Variants in NAALADL1 observed in about 807,000 individuals in gnomAD.
NAALADL1 encodes N-acetylated alpha-linked acidic dipeptidase like 1.
NAALADL1 carries 77 observed loss-of-function variants against 82.8 expected under a neutral mutation model. The observed-to-expected ratio is 0.93, with a 90% CI of 0.77 to 1.12. NAALADL1 has a LOEUF of 1.12. NAALADL1 is among the 50% of genes most tolerant of loss of function. The pLI is 0.00. For synonymous variants in NAALADL1, 358 were observed against 399.2 expected, an observed-to-expected ratio of 0.90 and a Z score of 1.23; for missense variants, 956 against 964.0, an observed-to-expected ratio of 0.99 and a Z score of 0.11.
upstream of NAALADL1, among the ~76,000 whole-genome samples, chr11:65,060,762 C>T (rs1039042468): frequency 3.3e-5 from 5 of 152,174 alleles, no homozygotes; most frequent in Non-Finnish European, 7.3e-5. Context: ...TTCATCTTTG[C>T]TGTGTGGGTG....
In NAALADL1 at chr11:65,045,419, G is replaced by A. The variant is rs370097990; in HGVS notation, c.2075C>T (p.Thr692Ile). 3.5e-5 allele frequency: 57 copies of A among 1,612,774 alleles called. No homozygotes were observed. Among genetic ancestry groups the A allele is most frequent in the Non-Finnish European group, 3.4e-5 (40 of 1,179,662 alleles). The change falls in exon 18 of 18, where the codon ACA becomes ATA. Residue 692 changes from threonine (T) to isoleucine (I), a missense_variant. By Grantham distance (89) the Thr-to-Ile change is moderately conservative. Transcript: ENST00000358658. ...LWAPRTGSVV[T>I]FPGLSNACSR... ...GCAGGCATTGGATAGGCCCGGGAAT[G>A]TGACTACGGAGCCCGTGCGAGGTGC...
chr11:65,060,768 G>A (rs1947175373), upstream of NAALADL1, among the ~76,000 whole-genome samples: 1 of 152,166 alleles, frequency 6.6e-6, no homozygotes, highest in Non-Finnish European at 1.5e-5. Context: ...TTTGCTGTGT[G>A]GGTGGTATGG....
At position 65,054,642 on chromosome 11, in the gene NAALADL1, G is replaced by A; in HGVS notation, c.700C>T (p.Pro234Ser). Reference sequence around the variant, plus strand: ...GAGGGGGGCAGGTACCAGGAGTTGGGAAAGGTTTCGTCGGGTGAGCTCAGC... The same window carrying A: ...GAGGGGGGCAGGTACCAGGAGTTGGAAAAGGTTTCGTCGGGTGAGCTCAGC... ...DGLSSPDETF[P>S]NSWYLPPSGV... The change falls in exon 5 of 18, where the codon CCC becomes TCC. Residue 234 changes from proline (P) to serine (S), a missense_variant. Transcript: ENST00000358658. This position sits in a 1 kb window ranked among gnomAD's most constrained non-coding sequence, Gnocchi z 4.3. 6.2e-7 allele frequency: 1 copy of A among 1,614,144 alleles called. No individual in the cohort carries two copies. The highest frequency in any genetic ancestry group is 8.5e-7 in the Non-Finnish European group (1 of 1,180,024).
In NAALADL1 at chr11:65,053,440, A is replaced by T. The variant is rs1182580388; in HGVS notation, c.1078+51T>A. 2.5e-6 allele frequency: 4 copies of T among 1,612,874 alleles called. No individual in the cohort carries two copies. The highest frequency in any genetic ancestry group is 3.4e-6 in the Non-Finnish European group (4 of 1,179,216). On this transcript the variant is annotated intron_variant, in intron 7 of 17. Transcript: ENST00000358658. This position sits in a 1 kb window ranked among gnomAD's most constrained non-coding sequence, Gnocchi z 4.3. ...GGCAGGGCTGGATGAGGACAGCGGC[A>T]TCCAGAGCAGAGCAGGGGCCTGGGG...
chr11:65,059,181 T>C (rs1272548584), upstream of NAALADL1, among the ~76,000 whole-genome samples: 1 of 151,966 alleles, frequency 6.6e-6, no homozygotes, highest in African/African-American at 2.4e-5. Flanking sequence ...TCCAGCTAAT[T>C]TTTGTATTTT....
chr11:65,048,680 C>G (rs1289551782), intron 8 of NAALADL1, among the ~76,000 whole-genome samples: 2 of 152,180 alleles, frequency 1.3e-5, no homozygotes, highest in African/African-American at 2.4e-5. Context: ...ACCCCCGCCT[C>G]CAGGCCAAAC....
upstream of NAALADL1, among the ~76,000 whole-genome samples, chr11:65,060,992 T>G (rs1947180579): frequency 6.6e-6 from 1 of 151,914 alleles, no homozygotes; most frequent in South Asian, 2.1e-4. Flanking sequence ...CTCCTTCACC[T>G]CCCACGTGTA....
Position 65,047,681 on chromosome 11 carries a change from T to TG in NAALADL1, c.1473dup (p.Asn492GlnfsTer41). ...AGGCCGTACACCGGGCTGCTGCGGT[T>TG]GAAGTACCGGATCCAGTTGTCGTAG... On this transcript the variant is annotated frameshift_variant, in exon 12 of 18. Transcript: ENST00000358658. LOFTEE classifies it high-confidence loss of function. The TG allele has an allele frequency of 6.2e-7, 1 of 1,608,168 alleles. No individual in the cohort carries two copies. The highest frequency in any genetic ancestry group is 8.5e-7 in the Non-Finnish European group (1 of 1,178,084).
At chr11:65,057,797 C>T (rs1947083246) in intron 3 of NAALADL1, 78 bp downstream of exon 3, 5 of 1,589,740 alleles carry the variant, frequency 3.1e-6, no homozygotes, top group Non-Finnish European at 4.3e-6. Context: ...GAGGCACGTT[C>T]CCTGGGTCAG....
chr11:65,053,312 G>T lies in NAALADL1; in HGVS notation c.1104C>A (p.His368Gln), dbSNP rs1404924513. Residue 368 changes from histidine to glutamine, a missense_variant, in exon 8 of 18, where the codon CAC becomes CAA. By Grantham distance (24) the His-to-Gln change is conservative. Transcript: ENST00000358658. The surrounding 1 kb of genome is among the most constrained non-coding windows in gnomAD (Gnocchi z 4.3). ...CAGCCCCGTGCACCCAGCTGTCTCG[G>T]TGGTTCCCATACAGCACGTAGCGAT... ...EPDRYVLYGN[H>Q]RDSWVHGAVD... 2 of 1,566,244 alleles carry T rather than the reference G, an allele frequency of 1.3e-6. No homozygotes were observed. Among genetic ancestry groups the T allele is most frequent in the Admixed American group, 3.8e-5 (2 of 51,982 alleles).
chr11:65,045,731 A>G, intron 17 of NAALADL1, 91 bp downstream of exon 17: 1 of 1,288,438 alleles, frequency 7.8e-7, no homozygotes, highest in Non-Finnish European at 1.1e-6. Flanking sequence ...TGCACTCTAA[A>G]GGGCAGAGAA....
chr11:65,045,954 G>C, intron 16 of NAALADL1, 40 bp from the exon 17 acceptor site: 3 of 1,612,250 alleles, frequency 1.9e-6, no homozygotes, highest in Non-Finnish European at 2.5e-6. Context: ...CCTGGAGCCA[G>C]CAGCCCAGCT....
At chr11:65,048,587 G>A (rs1046032343) in intron 8 of NAALADL1, 5 of 604,406 alleles carry the variant, frequency 8.3e-6, no homozygotes, top group Admixed American at 2.9e-5. Context: ...CTGAAGGGTC[G>A]GGTGGTCCCT....
rs1436378382 is a variant in NAALADL1 at position 65,057,384 on chromosome 11, C to T, written c.590G>A (p.Gly197Glu). The change falls in exon 4 of 18, where the codon GGG becomes GAG. Residue 197 changes from glycine (G) to glutamate (E), a missense_variant. Transcript: ENST00000358658. ...ACTGCCACTCACCTTGGCCCCACGCCCTACACCCCCATATCGAGTCAGGGC... is the reference window on the plus strand; with the variant it reads ...ACTGCCACTCACCTTGGCCCCACGCTCTACACCCCCATATCGAGTCAGGGC... The part of the protein sequence containing the change: ...TIALTRYGGV[G>E]RGAKAVNAAK... 6.2e-7 allele frequency: 1 copy of T among 1,612,972 alleles called. No individual in the cohort carries two copies. The highest frequency in any genetic ancestry group is 8.5e-7 in the Non-Finnish European group (1 of 1,179,422).
At chr11:65,050,770 C>T (rs1946865584) in intron 8 of NAALADL1, among the ~76,000 whole-genome samples, 1 of 152,130 alleles carries the variant, frequency 6.6e-6, no homozygotes, top group Non-Finnish European at 1.5e-5. Context: ...GCCTGGGTCA[C>T]AGAGCAAGAC....
intron 13 of NAALADL1, among the ~76,000 whole-genome samples, 178 bp downstream of exon 13, chr11:65,047,297 C>T (rs1946755067): frequency 6.6e-6 from 1 of 151,716 alleles, no homozygotes; most frequent in Non-Finnish European, 1.5e-5. Context: ...AGCAGGACTT[C>T]GTCTATATAA....
chr11:65,049,175 C>T (rs919796585), intron 8 of NAALADL1, among the ~76,000 whole-genome samples: 2 of 152,120 alleles, frequency 1.3e-5, no homozygotes, highest in African/African-American at 2.4e-5. Context: ...CACACACCAC[C>T]GCGCCTGGCT....
At chr11:65,048,565 A>C in intron 8 of NAALADL1, 180 bp from the exon 9 acceptor site, 1 of 635,644 alleles carries the variant, frequency 1.6e-6, no homozygotes, top group Non-Finnish European at 2.7e-6. Context: ...ACTGACCCCA[A>C]CTCCAAGCCC....
Position 65,053,246 on chromosome 11 carries a change from G to A in NAALADL1, c.1170C>T (p.Ser390=). 6.4e-7 allele frequency: 1 copy of A among 1,553,112 alleles called. No homozygotes were observed. Among genetic ancestry groups the A allele is most frequent in the Non-Finnish European group, 8.7e-7 (1 of 1,148,336 alleles). The change falls in exon 8 of 18, where the codon TCC becomes TCT. Residue 390 remains serine (S), a synonymous_variant. Coordinates refer to ENST00000358658, the MANE Select transcript of NAALADL1 (RefSeq NM_005468.3). This position sits in a 1 kb window ranked among gnomAD's most constrained non-coding sequence, Gnocchi z 4.3. ...SSGTAVLLEL[S]RVLGTLLKKG... is the part of the protein sequence containing the mutation. ...TCTTCAGCAGGGTCCCCAGGACACGGGAGAGCTCCAGGAGGACGGCGGTGC... is the reference window on the plus strand; with the variant it reads ...TCTTCAGCAGGGTCCCCAGGACACGAGAGAGCTCCAGGAGGACGGCGGTGC...
Sources: gnomAD v4.1 joint callset for allele counts (sites outside exome capture counted in the v4.1 genomes callset) on GRCh38, gnomAD v4.1.1 for gene constraint, Gnocchi (gnomAD v3.1) non-coding constraint, MANE v1.5 for transcripts, NCBI Gene and HGNC (gene_info 2026-07-23, HGNC 2026-07-21) for gene names.